SLC9A9: variants seen among roughly 807,000 people sequenced by gnomAD.
SLC9A9 encodes the protein sodium/hydrogen exchanger 9.
In SLC9A9, 62 loss-of-function variants were observed where a neutral mutation model predicts 77.8. The ratio of observed to expected loss-of-function variants is 0.80; its 90% confidence interval spans 0.65 to 0.98. The LOEUF (loss-of-function observed/expected upper bound fraction) is 0.98, where lower values mean the gene tolerates loss of function less well. Among genes scored for constraint, SLC9A9 ranks in the 50% least tolerant of loss-of-function variants. The pLI is 0.00. For missense variants in SLC9A9, 775 were observed against 774.9 expected, an observed-to-expected ratio of 1.00 and a Z score of 0.00; for synonymous variants, 320 against 283.5, an observed-to-expected ratio of 1.13 and a Z score of -1.29.
intron 2 of SLC9A9, among the ~76,000 whole-genome samples, chr3:143,813,500 T>C (rs2008923539): frequency 1.3e-5 from 2 of 152,174 alleles, no homozygotes. Context: ...CTGTTCACAT[T>C]GGAATTAGCC....
intron 9 of SLC9A9, chr3:143,504,368 C>T (rs534333612): frequency 1.2e-5 from 2 of 167,900 alleles, no homozygotes; most frequent in South Asian, 1.6e-4. Context: ...TTAATTTTCA[C>T]TCAGTTCCAA....
intron 2 of SLC9A9, among the ~76,000 whole-genome samples, chr3:143,800,081 T>C (rs375679492): frequency 9.2e-5 from 14 of 152,298 alleles, no homozygotes; most frequent in African/African-American, 3.4e-4. Flanking sequence ...TCTGCTTCCC[T>C]GACTATTCCT....
chr3:143,345,842 T>C (rs531558922), intron 14 of SLC9A9, among the ~76,000 whole-genome samples: 1 of 152,102 alleles, frequency 6.6e-6, no homozygotes, highest in East Asian at 1.9e-4. Flanking sequence ...GATATGGAAA[T>C]AGTGGAGAAT....
chr3:143,456,403 G>C (rs2035092919), intron 12 of SLC9A9, among the ~76,000 whole-genome samples: 1 of 152,066 alleles, frequency 6.6e-6, no homozygotes, highest in Admixed American at 6.6e-5. Context: ...GGTAATTCTG[G>C]CCTCTTAAAA....
At chr3:143,843,606 A>G (rs1367713860) in intron 1 of SLC9A9, among the ~76,000 whole-genome samples, 2 of 152,230 alleles carry the variant, frequency 1.3e-5, no homozygotes, top group Non-Finnish European at 2.9e-5. Context: ...TGGGAAGGCC[A>G]GGAAGTCAAA....
intron 12 of SLC9A9, among the ~76,000 whole-genome samples, chr3:143,451,968 C>T (rs757904124): frequency 1.4e-4 from 21 of 151,976 alleles, no homozygotes; most frequent in Non-Finnish European, 2.5e-4. Context: ...CTTTCAGAAT[C>T]TGACACATCT....
At chr3:143,446,129 GA>G (rs1356917448) in intron 12 of SLC9A9, among the ~76,000 whole-genome samples, 1 of 152,032 alleles carries the variant, frequency 6.6e-6, no homozygotes, top group Non-Finnish European at 1.5e-5. Flanking sequence ...ATTATCCAGT[GA>G]AAAGGACAAA....
intron 14 of SLC9A9, among the ~76,000 whole-genome samples, chr3:143,292,883 T>C (rs983211036): frequency 6.6e-6 from 1 of 152,128 alleles, no homozygotes; most frequent in African/African-American, 2.4e-5. Flanking sequence ...TAGGTGGTCT[T>C]AACTGAGACA....
chr3:143,428,915 G>A (rs886267229), intron 12 of SLC9A9, among the ~76,000 whole-genome samples: 1 of 152,180 alleles, frequency 6.6e-6, no homozygotes, highest in Non-Finnish European at 1.5e-5. Flanking sequence ...CTGCAGAGGG[G>A]TGGGGATGGG....
intron 6 of SLC9A9, among the ~76,000 whole-genome samples, chr3:143,629,186 C>T (rs1353398181): frequency 6.6e-6 from 1 of 152,106 alleles, no homozygotes; most frequent in Non-Finnish European, 1.5e-5. Flanking sequence ...AATGGCCTGT[C>T]CACCCAAATA....
chr3:143,597,874 A>C (rs2108684348), intron 6 of SLC9A9, among the ~76,000 whole-genome samples: 1 of 152,342 alleles, frequency 6.6e-6, no homozygotes, highest in Admixed American at 6.5e-5. Flanking sequence ...TTCAATTAAC[A>C]TTCTAATCAT....
chr3:143,728,855 A>T (rs1418323882), intron 4 of SLC9A9, among the ~76,000 whole-genome samples: 1 of 152,000 alleles, frequency 6.6e-6, no homozygotes, highest in Admixed American at 6.6e-5. Context: ...AACGAGATGG[A>T]TGGTGGTCCC....
At chr3:143,533,605 T>G (rs1020880537) in intron 9 of SLC9A9, among the ~76,000 whole-genome samples, 7 of 152,144 alleles carry the variant, frequency 4.6e-5, no homozygotes, top group Non-Finnish European at 8.8e-5. Flanking sequence ...GTGTTACTGA[T>G]GCATAACCAT....
chr3:143,812,203 T>A (rs1256401051), intron 2 of SLC9A9, among the ~76,000 whole-genome samples: 1 of 152,232 alleles, frequency 6.6e-6, no homozygotes, highest in Non-Finnish European at 1.5e-5. Context: ...GTAATAGCTA[T>A]CAAAATGTTA....
intron 9 of SLC9A9, among the ~76,000 whole-genome samples, chr3:143,540,188 A>G (rs1359671590): frequency 6.6e-6 from 1 of 152,046 alleles, no homozygotes; most frequent in African/African-American, 2.4e-5. Flanking sequence ...GCCTTTTATG[A>G]TGGTGATAAA....
In SLC9A9 at chr3:143,840,117, G is replaced by C. The variant is rs112945262; in HGVS notation, c.176-7896C>G. On this transcript the variant is annotated intron_variant, in intron 1 of 15. Coordinates refer to ENST00000316549, the MANE Select transcript of SLC9A9 (RefSeq NM_173653.4). ...TTGTTAAAACACAGTTTACCGGGCC[G>C]CACCCACCCCAGAGTTTCTGATTCC... 3.7e-3 allele frequency among the ~76,000 whole-genome samples: 569 copies of C among 152,282 alleles called. 6 individuals carry two copies. Among genetic ancestry groups the C allele is most frequent in the African/African-American group, 0.013 (547 of 41,558 alleles).
At chr3:143,458,381 G>T (rs2035130859) in intron 12 of SLC9A9, among the ~76,000 whole-genome samples, 1 of 151,956 alleles carries the variant, frequency 6.6e-6, no homozygotes, top group South Asian at 2.1e-4. Flanking sequence ...AATCTGCCTT[G>T]ACAATCTCTT....
intron 4 of SLC9A9, among the ~76,000 whole-genome samples, chr3:143,776,937 A>T (rs556581973): frequency 8.5e-5 from 13 of 152,334 alleles, no homozygotes; most frequent in Non-Finnish European, 1.5e-4. Flanking sequence ...CAATTAGGGG[A>T]ATGGTACAAT....
chr3:143,709,970 C>T (rs981699899), intron 4 of SLC9A9, among the ~76,000 whole-genome samples: 1 of 152,172 alleles, frequency 6.6e-6, no homozygotes, highest in African/African-American at 2.4e-5. Flanking sequence ...AGGTTTTGCT[C>T]AGCACTGTAA....
Sources: allele counts gnomAD v4.1 joint callset (sites outside exome capture counted in the v4.1 genomes callset), GRCh38; gene constraint gnomAD v4.1.1; transcripts MANE v1.5; gene names NCBI Gene and HGNC (gene_info 2026-07-23, HGNC 2026-07-21).